The following SCPPPQ1 variants were observed in gnomAD, a reference collection of about 807,000 sequenced individuals.
SCPPPQ1 encodes the protein secretory calcium-binding phosphoprotein proline- and glutamine-rich 1.
At chr4:87,463,508 C>A in the SCPPPQ1 span, among the ~76,000 whole-genome samples, 5 of 152,014 alleles carry the variant, frequency 3.3e-5, no homozygotes, top group Non-Finnish European at 5.9e-5. Context: ...CTACATTTAA[C>A]TTATTACATA....
chr4:87,461,938 G>T, the SCPPPQ1 span: 1 of 152,174 alleles, frequency 6.6e-6, no homozygotes. Flanking sequence ...GGATATAAAT[G>T]CATGAAAGAA....
chr4:87,463,333 CA>C, the SCPPPQ1 span, among the ~76,000 whole-genome samples: 10 of 145,694 alleles, frequency 6.9e-5, no homozygotes, highest in Admixed American at 1.4e-4. Context: ...AAAAAAACAA[CA>C]AAAAAAAATT....
the SCPPPQ1 span, among the ~76,000 whole-genome samples, chr4:87,465,097 A>C: frequency 6.6e-6 from 1 of 152,210 alleles, no homozygotes; most frequent in African/African-American, 2.4e-5. Context: ...GTAAGCATAA[A>C]ATTTTAGAGG....
At chr4:87,465,858 C>T in the SCPPPQ1 span, among the ~76,000 whole-genome samples, 19 of 151,922 alleles carry the variant, frequency 1.3e-4, 1 homozygote, top group Non-Finnish European at 7.4e-5. Flanking sequence ...GCCCAGGAAT[C>T]TGTCTTAATG....
At chr4:87,465,076 T>A in the SCPPPQ1 span, among the ~76,000 whole-genome samples, 1 of 152,176 alleles carries the variant, frequency 6.6e-6, no homozygotes, top group Non-Finnish European at 1.5e-5. Flanking sequence ...TTACCCCCAC[T>A]AATGACAAAT....
the SCPPPQ1 span, among the ~76,000 whole-genome samples, chr4:87,469,451 T>C: frequency 1.3e-5 from 2 of 152,136 alleles, no homozygotes; most frequent in African/African-American, 4.8e-5. Flanking sequence ...TGACAAAGAG[T>C]GGTGAACTCC....
chr4:87,468,373 G>C, the SCPPPQ1 span, among the ~76,000 whole-genome samples: 1 of 152,200 alleles, frequency 6.6e-6, no homozygotes. Context: ...TGAAGGGAGT[G>C]TGGAAATGTA....
chr4:87,468,875 A>G, the SCPPPQ1 span, among the ~76,000 whole-genome samples: 17 of 152,192 alleles, frequency 1.1e-4, no homozygotes, highest in South Asian at 8.3e-4. Flanking sequence ...TTTGGCAAAA[A>G]GGATTGTGGT....
At chr4:87,461,235 A>G in the SCPPPQ1 span, among the ~76,000 whole-genome samples, 1 of 152,176 alleles carries the variant, frequency 6.6e-6, no homozygotes, top group African/African-American at 2.4e-5. Context: ...GAATACATTG[A>G]TATTTAGAAA....
chr4:87,464,666 C>T, the SCPPPQ1 span, among the ~76,000 whole-genome samples: 1 of 152,190 alleles, frequency 6.6e-6, no homozygotes, highest in African/African-American at 2.4e-5. Context: ...GGTGAAACCC[C>T]ATCTCTACAG....
At chr4:87,467,668 A>G in the SCPPPQ1 span, among the ~76,000 whole-genome samples, 4,023 of 152,294 alleles carry the variant, frequency 0.026, 193 homozygotes, top group African/African-American at 0.09. Flanking sequence ...TATAAGCTAT[A>G]TGGGAGAGAA....
chr4:87,467,656 A>T, the SCPPPQ1 span, among the ~76,000 whole-genome samples: 1 of 152,226 alleles, frequency 6.6e-6, no homozygotes, highest in Non-Finnish European at 1.5e-5. Context: ...GTCACGTTCC[A>T]CTATAAGCTA....
the SCPPPQ1 span, among the ~76,000 whole-genome samples, chr4:87,462,613 T>C: frequency 6.6e-6 from 1 of 152,218 alleles, no homozygotes; most frequent in Non-Finnish European, 1.5e-5. Context: ...TAAGATGTGT[T>C]ACCTTGCCTT....
the SCPPPQ1 span, among the ~76,000 whole-genome samples, chr4:87,461,807 A>G: frequency 4.6e-5 from 7 of 152,194 alleles, no homozygotes; most frequent in African/African-American, 1.7e-4. Flanking sequence ...TTTAAAATAC[A>G]TCCTTTGAAG....
chr4:87,470,137 T>G, the SCPPPQ1 span, among the ~76,000 whole-genome samples: 1 of 151,964 alleles, frequency 6.6e-6, no homozygotes, highest in East Asian at 1.9e-4. Flanking sequence ...AAAAATTTTC[T>G]TAGAGATGGG....
the SCPPPQ1 span, among the ~76,000 whole-genome samples, chr4:87,463,963 CTTGTT>C: frequency 3.3e-5 from 5 of 152,298 alleles, no homozygotes; most frequent in African/African-American, 1.2e-4. Flanking sequence ...AATCTCTTTA[CTTGTT>C]GAGCTGTCTG....
At chr4:87,469,925 T>G in the SCPPPQ1 span, among the ~76,000 whole-genome samples, 1 of 150,968 alleles carries the variant, frequency 6.6e-6, no homozygotes, top group Middle Eastern at 3.5e-3. Flanking sequence ...TGAAGTTGCG[T>G]TTGTGATCTC....
chr4:87,467,441 GA>G, the SCPPPQ1 span, among the ~76,000 whole-genome samples: 40,557 of 151,712 alleles, frequency 0.27, 6,576 homozygotes, highest in East Asian at 0.41. Context: ...GAAAGCTGGG[GA>G]AAAAAAATCT....
the SCPPPQ1 span, among the ~76,000 whole-genome samples, chr4:87,463,730 C>G: frequency 1.3e-5 from 2 of 152,104 alleles, no homozygotes; most frequent in Non-Finnish European, 1.5e-5. Flanking sequence ...TTAAGAAACC[C>G]TCTGTGTACA....
Sources: allele counts gnomAD v4.1 joint callset (sites outside exome capture counted in the v4.1 genomes callset), GRCh38; gene constraint gnomAD v4.1.1; transcripts MANE v1.5; gene names NCBI Gene and HGNC (gene_info 2026-07-23, HGNC 2026-07-21).